Variants in UTP23 observed in about 807,000 individuals in gnomAD.
The protein encoded by UTP23 is rRNA-processing protein UTP23 homolog.
In UTP23, 10 loss-of-function variants were observed where a neutral mutation model predicts 19.8. The observed-to-expected ratio is 0.50, with a 90% CI of 0.31 to 0.86. The LOEUF is 0.86. UTP23 is among the 40% of genes least tolerant of loss of function. The probability of loss-of-function intolerance (pLI) is 0.05; values close to 1 mark genes in which losing one functional copy is unlikely to be tolerated. For missense variants in UTP23, 282 were observed against 293.1 expected, an observed-to-expected ratio of 0.96 and a Z score of 0.28; for synonymous variants, 108 against 105.4, an observed-to-expected ratio of 1.02 and a Z score of -0.15.
In UTP23 at chr8:116,770,376, C is replaced by A; in HGVS notation, c.363+10C>A. Reference sequence around the variant, plus strand: ...TTTTGTGGCAACACAGGTGATACTACTTTTAAAACCACAGGCAATTTTCAC... The same window carrying A: ...TTTTGTGGCAACACAGGTGATACTAATTTTAAAACCACAGGCAATTTTCAC... On this transcript the variant is annotated intron_variant, in intron 2 of 2. Transcript: ENST00000309822. The A allele has an allele frequency of 6.3e-7, 1 of 1,583,462 alleles. No homozygotes were observed. Among genetic ancestry groups the A allele is most frequent in the Non-Finnish European group, 8.6e-7 (1 of 1,158,312 alleles).
chr8:116,771,882 G>C lies in UTP23; in HGVS notation c.*40G>C, dbSNP rs370061570. On this transcript the variant is annotated 3_prime_UTR_variant, in exon 3 of 3. Coordinates refer to ENST00000309822, the MANE Select transcript of UTP23 (RefSeq NM_032334.3). ...TTCAAGGACATTCAAATGTGAAAAT[G>C]AATTTTTTACAACTAGAAGTATTTA... The C allele has an allele frequency of 6.7e-7, 1 of 1,497,170 alleles. No homozygotes were observed. The highest frequency in any genetic ancestry group is 8.8e-7 in the Non-Finnish European group (1 of 1,130,436). The allele number at this position is 1,497,170 out of a possible 1,614,324, so 92.7% of individuals were successfully genotyped here.
rs1226267956 is a variant in UTP23, at chr8:116,774,530, G to GAT, written c.*2697_*2698dup. ...TTCCCAATTAGTTTTATATCTCCAA[G>GAT]ATATATATATGTATATAGGTATATA... On this transcript the variant is annotated 3_prime_UTR_variant, in exon 3 of 3. Transcript: ENST00000309822. 5.5e-6 allele frequency: 4 copies of GAT among 721,726 alleles called. No individual in the cohort carries two copies. Among genetic ancestry groups the GAT allele is most frequent in the East Asian group, 1.3e-4 (1 of 7,572 alleles). 44.7% of individuals were successfully genotyped at this position (721,726 alleles called of 1,614,324 possible).
Position 116,773,460 on chromosome 8 carries a change from T to C in UTP23, c.*1618T>C, listed in dbSNP as rs1264415445. ...CATCTGAACTGGAGAGCTGGAAAAA[T>C]CCACTTTTTTATGAAGCAGTAATTA... On this transcript the variant is annotated 3_prime_UTR_variant, in exon 3 of 3. Coordinates refer to ENST00000309822, the MANE Select transcript of UTP23 (RefSeq NM_032334.3). The C allele has an allele frequency of 1.0e-6, 1 of 983,710 alleles. No individual in the cohort carries two copies. The highest frequency in any genetic ancestry group is 1.7e-5 in the African/African-American group (1 of 57,170). The allele number at this position is 983,710 out of a possible 1,614,324, so 60.9% of individuals were successfully genotyped here. A position where few individuals can be genotyped will look rare whatever the true frequency, so the allele number is the denominator to read the frequency against.
chr8:116,767,992 C>T (rs1005583114), intron 1 of UTP23, among the ~76,000 whole-genome samples: 2 of 152,082 alleles, frequency 1.3e-5, no homozygotes, highest in Non-Finnish European at 2.9e-5. Context: ...GAGGCTGAGA[C>T]AGGAGGGTTG....
Position 116,772,923 on chromosome 8 carries a change from T to G in UTP23, c.*1081T>G. The G allele has an allele frequency of 1.0e-6, 1 of 985,468 alleles. No individual in the cohort carries two copies. The highest frequency in any genetic ancestry group is 1.2e-6 in the Non-Finnish European group (1 of 829,920). 61.0% of individuals were successfully genotyped at this position (985,468 alleles called of 1,614,324 possible). A position where few individuals can be genotyped will look rare whatever the true frequency, so the allele number is the denominator to read the frequency against. On this transcript the variant is annotated 3_prime_UTR_variant, in exon 3 of 3. Transcript: ENST00000309822. ...CAAGTGAAATCGTATCAGTAGTTCC[T>G]GACTGACAGCTTCTGGAGCCACACT...
chr8:116,768,061 A>G (rs1324758270), intron 1 of UTP23, among the ~76,000 whole-genome samples: 2 of 152,184 alleles, frequency 1.3e-5, no homozygotes, highest in Non-Finnish European at 2.9e-5. Flanking sequence ...ATCTCTAACT[A>G]CAGCCATAAC....
chr8:116,769,440 A>G (rs1815623932), intron 1 of UTP23, among the ~76,000 whole-genome samples: 1 of 152,162 alleles, frequency 6.6e-6, no homozygotes, highest in Admixed American at 6.5e-5. Context: ...GAAAATAGTA[A>G]TTTCAAAGAG....
Position 116,766,794 on chromosome 8 carries a change from G to A in UTP23, c.188+3G>A, listed in dbSNP as rs1263513795. 5 of 1,532,672 alleles carry A rather than the reference G, an allele frequency of 3.3e-6. No homozygotes were observed. The African/African-American group carries it at 6.9e-5, about 21-fold the overall frequency. The allele number at this position is 1,532,672 out of a possible 1,614,324, so 94.9% of individuals were successfully genotyped here. On this transcript the variant is annotated splice_donor_region_variant and intron_variant, in intron 1 of 2. Transcript: ENST00000309822. ...GAGACGCAGCTGTGCACCACAAGGT[G>A]GGCCCGGGGGGCTGGGGAGGAGGCA...
chr8:116,769,178 A>G (rs938219879), intron 1 of UTP23, among the ~76,000 whole-genome samples: 1 of 152,212 alleles, frequency 6.6e-6, no homozygotes, highest in Non-Finnish European at 1.5e-5. Context: ...TATTTTAGAA[A>G]AGATAACTGC....
intron 2 of UTP23, 28 bp downstream of exon 2, chr8:116,770,394 A>G (rs757074524): frequency 4.5e-6 from 7 of 1,569,742 alleles, no homozygotes; most frequent in African/African-American, 2.7e-5. Flanking sequence ...ACCACAGGCA[A>G]TTTTCACCAT....
rs1815666892 is a variant in UTP23, at chr8:116,772,198, CAG to C, written c.*357_*358del. 1 of 997,724 alleles carries C rather than the reference CAG, an allele frequency of 1.0e-6. No homozygotes were observed. The highest frequency in any genetic ancestry group is 1.2e-6 in the Non-Finnish European group (1 of 838,268). The allele number at this position is 997,724 out of a possible 1,614,324, so 61.8% of individuals were successfully genotyped here. A position where few individuals can be genotyped will look rare whatever the true frequency, so the allele number is the denominator to read the frequency against. The stretch of plus-strand genomic sequence containing the variant: ...ACATGTCTCAAAAAAAAAATAAAAA[CAG>C]TGAATGGGTGTAGGTGTGATGGAAT... On this transcript the variant is annotated 3_prime_UTR_variant, in exon 3 of 3. Transcript: ENST00000309822.
rs767303462 is a variant in UTP23 at position 116,771,641 on chromosome 8, T to G, written c.549T>G (p.Gly183=). 1 of 1,611,516 alleles carries G rather than the reference T, an allele frequency of 6.2e-7. No homozygotes were observed. Among genetic ancestry groups the G allele is most frequent in the Admixed American group, 1.7e-5 (1 of 59,454 alleles). The change falls in exon 3 of 3, where the codon GGT becomes GGG. Residue 183 remains glycine (G), a synonymous_variant. Transcript: ENST00000309822. ...TCAAACATCTCAAAGAGGAACAGGG[T>G]TTAGTGAAAAACACTGAACAGAGTA... ...ESIKHLKEEQ[G]LVKNTEQSRR...
intron 1 of UTP23, 186 bp downstream of exon 1, chr8:116,766,977 G>A: frequency 1.8e-6 from 1 of 569,770 alleles, no homozygotes; most frequent in Admixed American, 3.6e-5. Flanking sequence ...AGATTGGACA[G>A]TGCCCTGTGA....
chr8:116,771,267 G>A (rs1296612298), intron 2 of UTP23, among the ~76,000 whole-genome samples, 189 bp from the exon 3 acceptor site: 2 of 152,118 alleles, frequency 1.3e-5, no homozygotes, highest in Admixed American at 6.6e-5. Context: ...TACTAACACT[G>A]TGCTCAGTTT....
rs1010833244 is a variant in UTP23, at chr8:116,774,150, A to G, written c.*2308A>G. Reference sequence around the variant, plus strand: ...AATACATGCACTTTTGAACTCTGAAAGTTTGCCAATCTGAAAAGGGGTGTT... The same window carrying G: ...AATACATGCACTTTTGAACTCTGAAGGTTTGCCAATCTGAAAAGGGGTGTT... On this transcript the variant is annotated 3_prime_UTR_variant, in exon 3 of 3. Transcript: ENST00000309822. 1.8e-5 allele frequency: 18 copies of G among 985,264 alleles called. No homozygotes were observed. Among genetic ancestry groups the G allele is most frequent in the Non-Finnish European group, 2.2e-5 (18 of 829,924 alleles). 61.0% of individuals were successfully genotyped at this position (985,264 alleles called of 1,614,324 possible). A position where few individuals can be genotyped will look rare whatever the true frequency, so the allele number is the denominator to read the frequency against.
Position 116,773,692 on chromosome 8 carries a change from C to G in UTP23, c.*1850C>G. ...GGGTGTGGTGGTGTGCGCCTGTAGT[C>G]CCAGCTACTCGGGAGGCTGAGGCAG... On this transcript the variant is annotated 3_prime_UTR_variant, in exon 3 of 3. Transcript: ENST00000309822. 1 of 276,850 alleles carries G rather than the reference C, an allele frequency of 3.6e-6. No individual in the cohort carries two copies. The highest frequency in any genetic ancestry group is 5.5e-6 in the Non-Finnish European group (1 of 182,302). 17.1% of individuals were successfully genotyped at this position (276,850 alleles called of 1,614,324 possible).
chr8:116,769,820 C>T (rs1368833564), intron 1 of UTP23, among the ~76,000 whole-genome samples: 1 of 152,122 alleles, frequency 6.6e-6, no homozygotes, highest in East Asian at 1.9e-4. Flanking sequence ...TGTCAAACTG[C>T]AAGTCTCGGT....
rs1815671140 is a variant in UTP23, at chr8:116,772,475, T to G, written c.*633T>G. On this transcript the variant is annotated 3_prime_UTR_variant, in exon 3 of 3. Coordinates refer to ENST00000309822, the MANE Select transcript of UTP23 (RefSeq NM_032334.3). ...GATTATACCGCTACTTTTTGATACA[T>G]CAATTATTTATTGACTTCCTACTAG... 3.1e-6 allele frequency: 3 copies of G among 965,414 alleles called. No individual in the cohort carries two copies. Among genetic ancestry groups the G allele is most frequent in the Non-Finnish European group, 2.5e-6 (2 of 811,774 alleles). 59.8% of individuals were successfully genotyped at this position (965,414 alleles called of 1,614,324 possible).
chr8:116,773,690 G>T lies in UTP23; in HGVS notation c.*1848G>T. The T allele has an allele frequency of 3.6e-6, 1 of 275,292 alleles. No individual in the cohort carries two copies. Among genetic ancestry groups the T allele is most frequent in the Non-Finnish European group, 5.5e-6 (1 of 180,860 alleles). The allele number at this position is 275,292 out of a possible 1,614,324, so 17.1% of individuals were successfully genotyped here. On this transcript the variant is annotated 3_prime_UTR_variant, in exon 3 of 3. Transcript: ENST00000309822. The stretch of plus-strand genomic sequence containing the variant: ...CTGGGTGTGGTGGTGTGCGCCTGTA[G>T]TCCCAGCTACTCGGGAGGCTGAGGC...
Sources: allele counts gnomAD v4.1 joint callset (sites outside exome capture counted in the v4.1 genomes callset), GRCh38; gene constraint gnomAD v4.1.1; transcripts MANE v1.5; gene names NCBI Gene and HGNC (gene_info 2026-07-23, HGNC 2026-07-21).